The following USH1C variants were observed in gnomAD, a reference collection of about 807,000 sequenced individuals.
The protein encoded by USH1C is harmonin.
Under a neutral mutation model 119.3 loss-of-function variants are expected in USH1C, and 90 were observed. That is an observed-to-expected ratio of 0.75 (90% CI 0.64 to 0.90). USH1C has a LOEUF of 0.90. Ranked by LOEUF, USH1C falls within the 40% of genes least tolerant of loss-of-function variation. The pLI is 0.00. For missense variants in USH1C, 1,165 were observed against 1,167.7 expected (o/e 1.00, Z 0.03); for synonymous variants, 465 against 443.3 (o/e 1.05, Z -0.62).
intron 15 of USH1C, among the ~76,000 whole-genome samples, 191 bp from the exon 16 acceptor site, chr11:17,512,245 GAC>G (rs1849927600): frequency 6.6e-6 from 1 of 152,118 alleles, no homozygotes; most frequent in Admixed American, 6.5e-5. Flanking sequence ...CAGAGTGGGA[GAC>G]ACATTCTCTT....
intron 24 of USH1C, 135 bp downstream of exon 24, chr11:17,498,027 G>A (rs939698371): frequency 1.1e-5 from 8 of 715,392 alleles, no homozygotes; most frequent in Non-Finnish European, 2.0e-5. Context: ...GATGGGGTAT[G>A]GTGTCACCAA....
rs1184895475 is a variant in USH1C at position 17,522,792 on chromosome 11, C to T, written c.1011G>A (p.Met337Ile). Residue 337 changes from methionine to isoleucine, a missense_variant, in exon 12 of 27, where the codon ATG becomes ATA. By Grantham distance (10) the Met-to-Ile change is conservative. Coordinates refer to ENST00000005226, the MANE Select transcript of USH1C (RefSeq NM_153676.4). The part of the protein sequence containing the change: ...SNKILQEQQE[M>I]ERQRRKEIAQ... Reference sequence around the variant, plus strand: ...GGGCTGGCTGCACTCACTGCCGCTCCATCTCCTGCTGCTCCTGGAGGATCT... The same window carrying T: ...GGGCTGGCTGCACTCACTGCCGCTCTATCTCCTGCTGCTCCTGGAGGATCT... The T allele has an allele frequency of 1.2e-6, 2 of 1,614,000 alleles. No individual in the cohort carries two copies. Among genetic ancestry groups the T allele is most frequent in the Non-Finnish European group, 1.7e-6 (2 of 1,179,996 alleles).
In USH1C at chr11:17,494,338, G is replaced by A. The variant is rs1285393684; in HGVS notation, c.2694C>T (p.His898=). Residue 898 remains histidine, a synonymous_variant, in exon 27 of 27, where the codon CAC becomes CAT. Coordinates refer to ENST00000005226, the MANE Select transcript of USH1C (RefSeq NM_153676.4). ...LLKSKRGNQI[H]R ...GGCCGGAGCTCACTGTTTCCTAACG[G>A]TGAATTTGGTTTCCCCTTTTGGACT... The A allele has an allele frequency of 1.0e-5, 16 of 1,607,912 alleles. No individual in the cohort carries two copies. Among genetic ancestry groups the A allele is most frequent in the Non-Finnish European group, 1.3e-5 (15 of 1,177,062 alleles).
chr11:17,526,435 G>T lies in USH1C; in HGVS notation c.586C>A (p.Arg196=). ...DQFVSESGGV[R]GSLGSPGNRE... ...TTTCCAGGGGAGCCCAGGCTGCCTC[G>T]CACGCCCTGAAAGAGAGATAGAAGC... The change falls in exon 8 of 27, where the codon CGA becomes AGA. Residue 196 remains arginine (R), a synonymous_variant. Transcript: ENST00000005226. 6.2e-7 allele frequency: 1 copy of T among 1,613,806 alleles called. No individual in the cohort carries two copies.
chr11:17,531,477 G>T lies in USH1C; in HGVS notation c.170C>A (p.Pro57His), dbSNP rs1341678124. 3 of 1,614,060 alleles carry T rather than the reference G, an allele frequency of 1.9e-6. No homozygotes were observed. In the South Asian group the frequency reaches 3.3e-5, roughly 18 times the overall value. ...CAGCGGCCGAATGGCATCAAACAGA[G>T]GCAGACGGCTGGGTTCATTGATGAC... ...KLVINEPSRL[P>H]LFDAIRPLIP... Residue 57 changes from proline to histidine, a missense_variant, in exon 3 of 27, where the codon CCT (proline) becomes CAT (histidine). Physicochemically the swap from Pro to His is moderately conservative, Grantham distance 77. Coordinates refer to ENST00000005226, the MANE Select transcript of USH1C (RefSeq NM_153676.4). This position sits in a 1 kb window ranked among gnomAD's most constrained non-coding sequence, Gnocchi z 4.2.
chr11:17,499,878 T>C (rs1275444222), intron 23 of USH1C, among the ~76,000 whole-genome samples: 1 of 152,166 alleles, frequency 6.6e-6, no homozygotes, highest in African/African-American at 2.4e-5. Flanking sequence ...CTCCAGCTTA[T>C]GGTACAGCCT....
intron 23 of USH1C, 75 bp downstream of exon 23, chr11:17,500,976 C>A: frequency 7.8e-7 from 1 of 1,284,978 alleles, no homozygotes; most frequent in Non-Finnish European, 1.1e-6. Flanking sequence ...AAGTGGTCAC[C>A]TGTTTGCTTT....
In USH1C at chr11:17,526,448, G is replaced by A. The variant is rs895127949; in HGVS notation, c.580-7C>T. On this transcript the variant is annotated splice_polypyrimidine_tract_variant and splice_region_variant and intron_variant, in intron 7 of 26. Transcript: ENST00000005226. The stretch of plus-strand genomic sequence containing the variant: ...CCAGGCTGCCTCGCACGCCCTGAAA[G>A]AGAGATAGAAGCAGAATCACGGAGT... The A allele has an allele frequency of 6.2e-7, 1 of 1,613,220 alleles. No individual in the cohort carries two copies. Among genetic ancestry groups the A allele is most frequent in the Admixed American group, 1.7e-5 (1 of 59,982 alleles).
intron 2 of USH1C, among the ~76,000 whole-genome samples, chr11:17,532,068 G>A (rs1292997707): frequency 6.6e-6 from 1 of 152,126 alleles, no homozygotes; most frequent in African/African-American, 2.4e-5. Flanking sequence ...TTACTGCCCA[G>A]AGGACAAAGT....
In USH1C at chr11:17,495,633, C is replaced by G; in HGVS notation, c.2591G>C (p.Arg864Pro). Residue 864 changes from arginine to proline, a missense_variant, in exon 26 of 27, where the codon CGA (arginine) becomes CCA (proline). By Grantham distance (103) the Arg-to-Pro change is moderately radical. Coordinates refer to ENST00000005226, the MANE Select transcript of USH1C (RefSeq NM_153676.4). The stretch of plus-strand genomic sequence containing the variant: ...GGCAGCACGGTCTTCAAGGAGCTTT[C>G]GGACCGGTTGGGGGCTTTCAGCTAC... ...SSVAESPQPV[R>P]KLLEDRAAVH... 6.2e-7 allele frequency: 1 copy of G among 1,614,194 alleles called. No homozygotes were observed. Among genetic ancestry groups the G allele is most frequent in the African/African-American group, 1.3e-5 (1 of 75,046 alleles).
At position 17,527,024 on chromosome 11, in the gene USH1C, G is replaced by A. The variant is rs199739341; in HGVS notation, c.513C>T (p.Pro171=). 7.5e-5 allele frequency: 117 copies of A among 1,560,692 alleles called. No individual in the cohort carries two copies. The highest frequency in any genetic ancestry group is 6.9e-4 in the African/African-American group (51 of 73,780). The change falls in exon 6 of 27, where the codon CCC becomes CCT. Residue 171 remains proline, a synonymous_variant. Coordinates refer to ENST00000005226, the MANE Select transcript of USH1C (RefSeq NM_153676.4). Reference sequence around the variant, plus strand: ...GAGGAGGGGCCTCTCACCTTTTCACGGGGATCAGGCCGATGTCTGCGGGAG... The same window carrying A: ...GAGGAGGGGCCTCTCACCTTTTCACAGGGATCAGGCCGATGTCTGCGGGAG... ...SIKVRHIGLI[P]VKSSPDEPLT...
intron 7 of USH1C, 114 bp from the exon 8 acceptor site, chr11:17,526,555 A>G: frequency 1.7e-6 from 2 of 1,151,376 alleles, no homozygotes; most frequent in Non-Finnish European, 2.6e-6. Context: ...CCAGATCATC[A>G]TTCCGTCCCT....
intron 4 of USH1C, among the ~76,000 whole-genome samples, chr11:17,528,118 A>C (rs929601196): frequency 6.6e-6 from 1 of 152,238 alleles, no homozygotes. Context: ...GAATTAAGTG[A>C]ACTTGTGCAT....
chr11:17,517,366 G>A (rs766300033), intron 14 of USH1C: 40 of 1,555,342 alleles, frequency 2.6e-5, no homozygotes, highest in Non-Finnish European at 3.2e-5. Flanking sequence ...GTAAAGCAGA[G>A]CAGCCAGGCC....
At chr11:17,510,009 G>T (rs956470984) in intron 17 of USH1C, among the ~76,000 whole-genome samples, 171 bp from the exon 18 acceptor site, 2 of 152,146 alleles carry the variant, frequency 1.3e-5, no homozygotes, top group Non-Finnish European at 2.9e-5. Context: ...CCCAGCTGAG[G>T]CCATACTAGG....
chr11:17,505,009 C>A (rs907456754), intron 19 of USH1C, among the ~76,000 whole-genome samples: 1 of 152,238 alleles, frequency 6.6e-6, no homozygotes, highest in African/African-American at 2.4e-5. Context: ...TCTCAGCTGT[C>A]CTGCCCTGAC....
intron 17 of USH1C, among the ~76,000 whole-genome samples, 170 bp downstream of exon 17, chr11:17,510,233 CAT>C (rs900607312): frequency 1.3e-5 from 2 of 152,092 alleles, no homozygotes; most frequent in Non-Finnish European, 2.9e-5. Flanking sequence ...GAAATACAGA[CAT>C]ATCCCTCCTC....
Position 17,531,657 on chromosome 11 carries a change from A to T in USH1C, c.105-115T>A. Reference sequence around the variant, plus strand: ...GGGCCCAGGCTTAGGAATGGAGTAGACCACTCCTGAAAAGCCCAGAGCTCT... The same window carrying T: ...GGGCCCAGGCTTAGGAATGGAGTAGTCCACTCCTGAAAAGCCCAGAGCTCT... On this transcript the variant is annotated intron_variant, in intron 2 of 26. Coordinates refer to ENST00000005226, the MANE Select transcript of USH1C (RefSeq NM_153676.4). The surrounding 1 kb of genome is among the most constrained non-coding windows in gnomAD (Gnocchi z 4.2). 1.5e-6 allele frequency: 2 copies of T among 1,376,488 alleles called. No individual in the cohort carries two copies. Among genetic ancestry groups the T allele is most frequent in the Non-Finnish European group, 2.0e-6 (2 of 999,866 alleles). The allele number at this position is 1,376,488 out of a possible 1,614,324, so 85.3% of individuals were successfully genotyped here.
intron 10 of USH1C, 54 bp downstream of exon 10, chr11:17,523,365 G>A (rs1850507443): frequency 6.2e-7 from 1 of 1,613,644 alleles, no homozygotes; most frequent in African/African-American, 1.3e-5. Flanking sequence ...GTGGGGATGA[G>A]AAGTGGGGTG....
Sources: allele counts gnomAD v4.1 joint callset (sites outside exome capture counted in the v4.1 genomes callset), GRCh38; gene constraint gnomAD v4.1.1; non-coding constraint Gnocchi (gnomAD v3.1); transcripts MANE v1.5; gene names NCBI Gene and HGNC (gene_info 2026-07-23, HGNC 2026-07-21).